Variants in COPG2 observed in about 807,000 individuals in gnomAD.
COPG2 encodes the protein coatomer subunit gamma-2.
A neutral mutation model predicts 46.3 loss-of-function variants in COPG2; 37 were observed. That is an observed-to-expected ratio of 0.80 (90% CI 0.61 to 1.05). COPG2 has a LOEUF of 1.05. COPG2 is among the 50% of genes least tolerant of loss of function. The pLI is 0.00. For missense variants in COPG2, 427 were observed against 387.8 expected (o/e 1.10, Z -0.85); for synonymous variants, 159 against 129.7 (o/e 1.23, Z -1.53).
chr7:130,623,173 C>A (rs569948800), intron 5 of COPG2, among the ~76,000 whole-genome samples: 32 of 152,064 alleles, frequency 2.1e-4, no homozygotes, highest in Non-Finnish European at 3.7e-4. Context: ...TAAAGATAAT[C>A]CTCAACCAAC....
intron 5 of COPG2, among the ~76,000 whole-genome samples, chr7:130,635,133 CG>C (rs1307238978): frequency 4.5e-4 from 68 of 149,594 alleles, no homozygotes; most frequent in African/African-American, 1.3e-3. Context: ...TGAGGATTTT[CG>C]CATCGATGTT....
chr7:130,576,748 A>T (rs1554446275), intron 9 of COPG2, among the ~76,000 whole-genome samples: 1 of 152,210 alleles, frequency 6.6e-6, no homozygotes, highest in South Asian at 2.1e-4. Flanking sequence ...AAGAAAGGAA[A>T]TAACTAAGAT....
chr7:130,577,511 C>G (rs1284055231), intron 9 of COPG2, among the ~76,000 whole-genome samples: 2 of 152,086 alleles, frequency 1.3e-5, no homozygotes, highest in African/African-American at 2.4e-5. Context: ...CCTGTAATCC[C>G]AGCACTTTGG....
chr7:130,536,802 C>T (rs956732618), intron 20 of COPG2, among the ~76,000 whole-genome samples: 12 of 152,100 alleles, frequency 7.9e-5, no homozygotes, highest in African/African-American at 1.9e-4. Flanking sequence ...CGCCTCGGTC[C>T]GAGACTCGAG....
chr7:130,613,726 T>G, intron 6 of COPG2, 90 bp from the exon 7 acceptor site: 1 of 826,612 alleles, frequency 1.2e-6, no homozygotes, highest in South Asian at 1.5e-5. Flanking sequence ...CAAAAACCAA[T>G]CTTATATTTG....
chr7:130,576,165 G>C (rs1036535989), intron 9 of COPG2, among the ~76,000 whole-genome samples: 1 of 152,140 alleles, frequency 6.6e-6, no homozygotes, highest in Admixed American at 6.5e-5. Context: ...AGGTCATCAA[G>C]ACAGAAAGTC....
chr7:130,607,309 T>C (rs1285036189), intron 9 of COPG2: 6 of 173,390 alleles, frequency 3.5e-5, no homozygotes, highest in Non-Finnish European at 6.1e-5. Flanking sequence ...TTATAATAGA[T>C]GCTACAAAGT....
chr7:130,578,558 G>C (rs2116432766), intron 9 of COPG2, among the ~76,000 whole-genome samples: 2 of 150,792 alleles, frequency 1.3e-5, no homozygotes, highest in Admixed American at 1.3e-4. Flanking sequence ...CTGAGCTACG[G>C]GAGGACATTC....
chr7:130,544,266 C>T (rs983978131), intron 20 of COPG2, among the ~76,000 whole-genome samples: 2 of 151,944 alleles, frequency 1.3e-5, no homozygotes, highest in South Asian at 4.2e-4. Flanking sequence ...GTACAGAATG[C>T]CAAGTTAATA....
chr7:130,572,044 A>C (rs1554445621), intron 9 of COPG2, among the ~76,000 whole-genome samples: 1 of 152,136 alleles, frequency 6.6e-6, no homozygotes, highest in Admixed American at 6.5e-5. Flanking sequence ...CTAAGCTATG[A>C]GGACGCAAAG....
At chr7:130,532,798 C>T (rs1228437767) in intron 20 of COPG2, among the ~76,000 whole-genome samples, 2 of 152,186 alleles carry the variant, frequency 1.3e-5, no homozygotes, top group South Asian at 2.1e-4. Context: ...GAGGTGGATT[C>T]GGTGCAGTAC....
intron 9 of COPG2, among the ~76,000 whole-genome samples, chr7:130,580,618 AAG>A (rs1794119006): frequency 9.3e-6 from 1 of 108,040 alleles, no homozygotes; most frequent in East Asian, 2.5e-4. Flanking sequence ...TAAAGAAAAA[AAG>A]AGAGAAGAAT....
At position 130,565,144 on chromosome 7, in the gene COPG2, A is replaced by G. The variant is rs1199432097; in HGVS notation, c.738-751T>C. Among the ~76,000 whole-genome samples the G allele has an allele frequency of 5.3e-5, 8 of 152,366 alleles. No individual in the cohort carries two copies. The South Asian group carries it at 8.3e-4, about 16-fold the overall frequency. ...TAAGCAAACAGCCACTAAAGACCTG[A>G]CAGAGCTCCGCTCTCTAACCTTTGC... On this transcript the variant is annotated intron_variant, in intron 9 of 23. Transcript: ENST00000425248.
chr7:130,654,019 T>A (rs1795801201), intron 4 of COPG2, among the ~76,000 whole-genome samples: 1 of 149,260 alleles, frequency 6.7e-6, no homozygotes, highest in African/African-American at 2.5e-5. Context: ...ACGAAAAAAA[T>A]TTCATTAAAA....
chr7:130,638,329 G>A (rs553076886), intron 5 of COPG2, among the ~76,000 whole-genome samples: 150 of 152,230 alleles, frequency 9.9e-4, no homozygotes, highest in African/African-American at 3.2e-3. Flanking sequence ...GCCCACAGCC[G>A]CCCCTTCCCC....
intron 4 of COPG2, among the ~76,000 whole-genome samples, chr7:130,659,490 A>G (rs1321565270): frequency 5.3e-5 from 8 of 152,196 alleles, no homozygotes; most frequent in South Asian, 2.1e-4. Flanking sequence ...GGAACAACTT[A>G]TATCTACCAA....
At chr7:130,518,347 G>T (rs1053672364) in intron 20 of COPG2, among the ~76,000 whole-genome samples, 5 of 152,266 alleles carry the variant, frequency 3.3e-5, no homozygotes, top group African/African-American at 1.2e-4. Flanking sequence ...GATAAGAAAG[G>T]GTAGAGGGGG....
chr7:130,596,759 C>T (rs1794535424), intron 9 of COPG2, among the ~76,000 whole-genome samples: 1 of 152,204 alleles, frequency 6.6e-6, no homozygotes, highest in Non-Finnish European at 1.5e-5. Context: ...GCATCCACAG[C>T]CACATTAGAA....
intron 20 of COPG2, among the ~76,000 whole-genome samples, chr7:130,534,054 G>A (rs1799855046): frequency 6.6e-6 from 1 of 151,842 alleles, no homozygotes; most frequent in Non-Finnish European, 1.5e-5. Context: ...ATGGAACAAA[G>A]AATTCCCAAA....
Sources: allele counts gnomAD v4.1 joint callset (sites outside exome capture counted in the v4.1 genomes callset), GRCh38; gene constraint gnomAD v4.1.1; transcripts MANE v1.5; gene names NCBI Gene and HGNC (gene_info 2026-07-23, HGNC 2026-07-21).